Variants in CELF2 observed in about 807,000 individuals in gnomAD.
The protein encoded by CELF2 is CUGBP Elav-like family member 2, also known as CUG triplet repeat RNA-binding protein 2.
In CELF2, 8 loss-of-function variants were observed where a neutral mutation model predicts 62.6. That is an observed-to-expected ratio of 0.13 (90% confidence interval 0.07 to 0.23). The LOEUF (loss-of-function observed/expected upper bound fraction) is 0.23. CELF2 is among the 10% of genes least tolerant of loss of function. The pLI is 1.00. For missense variants in CELF2, 333 were observed against 671.0 expected (o/e 0.50, Z 5.56); for synonymous variants, 258 against 250.0 (o/e 1.03, Z -0.30).
At chr10:11,174,710 C>A (rs549360481) in intron 2 of CELF2, among the ~76,000 whole-genome samples, 1 of 152,188 alleles carries the variant, frequency 6.6e-6, no homozygotes, top group Non-Finnish European at 1.5e-5. Context: ...CAGCTTTACC[C>A]GCATGTGGGT....
At chr10:10,890,482 G>C (rs914987097) in intron 1 of CELF2, among the ~76,000 whole-genome samples, 1 of 152,180 alleles carries the variant, frequency 6.6e-6, no homozygotes, top group Admixed American at 6.5e-5. Context: ...TTATTGAAAT[G>C]ATTACTTGAT....
At chr10:10,658,863 A>G in the CELF2 span, among the ~76,000 whole-genome samples, 2 of 152,198 alleles carry the variant, frequency 1.3e-5, no homozygotes, top group East Asian at 3.8e-4. Flanking sequence ...TTGCCTGGAT[A>G]ACACAGAGAG....
chr10:11,025,239 G>GTGTGTGTGTGTGTATATATATATA (rs61580670), intron 1 of CELF2, among the ~76,000 whole-genome samples: 5 of 140,998 alleles, frequency 3.5e-5, no homozygotes, highest in South Asian at 2.3e-4. Flanking sequence ...GTGTGTGTGT[G>GTGTGTGTGTGTGTATATATATATA]TATATGTATG....
At chr10:11,245,556 A>G (rs2075343266) in intron 3 of CELF2, among the ~76,000 whole-genome samples, 1 of 152,242 alleles carries the variant, frequency 6.6e-6, no homozygotes, top group Admixed American at 6.5e-5. Flanking sequence ...AGCCCAGGAA[A>G]GAGCAAAACA....
intron 4 of CELF2, among the ~76,000 whole-genome samples, chr10:11,256,532 A>G (rs981458682): frequency 3.9e-5 from 6 of 152,038 alleles, no homozygotes; most frequent in Non-Finnish European, 5.9e-5. Flanking sequence ...GTCCTCCTCT[A>G]GCCCAGGACA....
intron 1 of CELF2, among the ~76,000 whole-genome samples, chr10:11,142,198 T>A (rs1455732131): frequency 1.3e-5 from 2 of 152,234 alleles, no homozygotes; most frequent in African/African-American, 4.8e-5. Context: ...GAATGATAAC[T>A]TGTTTCTTGA....
the CELF2 span, among the ~76,000 whole-genome samples, chr10:10,532,570 G>C: frequency 6.6e-6 from 1 of 152,298 alleles, no homozygotes; most frequent in Admixed American, 6.5e-5. Flanking sequence ...CTTACATTGA[G>C]AGCAGCAGAA....
At chr10:10,847,834 A>G (rs2059115646) in intron 1 of CELF2, among the ~76,000 whole-genome samples, 1 of 152,226 alleles carries the variant, frequency 6.6e-6, no homozygotes, top group Non-Finnish European at 1.5e-5. Context: ...ATGGACAGCC[A>G]GATTTTATAG....
chr10:10,565,269 A>G, the CELF2 span, among the ~76,000 whole-genome samples: 150 of 152,344 alleles, frequency 9.8e-4, no homozygotes, highest in African/African-American at 3.5e-3. Context: ...ATTTTTCCAG[A>G]AAATGTTAAG....
the CELF2 span, among the ~76,000 whole-genome samples, chr10:10,474,179 A>T: frequency 2.0e-4 from 30 of 152,178 alleles, no homozygotes; most frequent in Non-Finnish European, 3.1e-4. Context: ...GCAGTGGCTC[A>T]TGCTTGTAAT....
intron 1 of CELF2, among the ~76,000 whole-genome samples, chr10:10,904,297 G>A (rs2063164386): frequency 1.3e-5 from 2 of 151,478 alleles, no homozygotes; most frequent in Middle Eastern, 3.4e-3. Flanking sequence ...TGTGATCATA[G>A]CTCCCTGAAG....
chr10:10,505,577 C>T, the CELF2 span, among the ~76,000 whole-genome samples: 1 of 152,180 alleles, frequency 6.6e-6, no homozygotes, highest in Non-Finnish European at 1.5e-5. Flanking sequence ...TGGGGATTAA[C>T]GTTCTAGCTC....
chr10:10,623,943 T>A, the CELF2 span, among the ~76,000 whole-genome samples: 181 of 152,308 alleles, frequency 1.2e-3, 1 homozygote, highest in African/African-American at 4.1e-3. Context: ...ACTGCAGAGA[T>A]GATGTGCTCA....
chr10:10,977,441 T>C (rs949939098), intron 2 of CELF2, among the ~76,000 whole-genome samples: 2 of 152,198 alleles, frequency 1.3e-5, no homozygotes, highest in African/African-American at 4.8e-5. Context: ...ATGCAACCAC[T>C]GAGATCTTTC....
the CELF2 span, among the ~76,000 whole-genome samples, chr10:10,492,697 A>G: frequency 6.6e-6 from 1 of 152,212 alleles, no homozygotes; most frequent in African/African-American, 2.4e-5. Flanking sequence ...AAAAAGTGAC[A>G]TATAAATACA....
chr10:10,957,609 C>T lies in CELF2; in HGVS notation c.89+37610C>T, dbSNP rs1406342978. 6.6e-6 allele frequency among the ~76,000 whole-genome samples: 1 copy of T among 152,176 alleles called. No individual in the cohort carries two copies. Among genetic ancestry groups the T allele is most frequent in the Non-Finnish European group, 1.5e-5 (1 of 68,026 alleles). ...AGAGGTCAAAGTCAGTGGGCAACCT[C>T]TTACCTGAAGAACACGTTCAGGATC... On this transcript the variant is annotated intron_variant, in intron 2 of 13. Coordinates refer to the CELF2 transcript ENST00000636488. The surrounding 1 kb of genome is among the most constrained non-coding windows in gnomAD (Gnocchi z 4.1).
the CELF2 span, among the ~76,000 whole-genome samples, chr10:10,787,610 T>C: frequency 2.0e-5 from 3 of 152,238 alleles, no homozygotes; most frequent in African/African-American, 7.2e-5. Flanking sequence ...ATTGTTCATA[T>C]ACAGCAGTGA....
At chr10:11,049,652 C>T (rs549666820) in intron 1 of CELF2, among the ~76,000 whole-genome samples, 7 of 151,520 alleles carry the variant, frequency 4.6e-5, no homozygotes, top group South Asian at 2.1e-4. Flanking sequence ...CTCACGCTTC[C>T]GGCACATACT....
intron 1 of CELF2, among the ~76,000 whole-genome samples, chr10:10,864,012 G>C (rs2060204054): frequency 6.6e-6 from 1 of 152,156 alleles, no homozygotes; most frequent in Non-Finnish European, 1.5e-5. Flanking sequence ...AATTCATGAA[G>C]TGCTGCTTGT....
Sources: gnomAD v4.1 joint callset for allele counts (sites outside exome capture counted in the v4.1 genomes callset) on GRCh38, gnomAD v4.1.1 for gene constraint, Gnocchi (gnomAD v3.1) non-coding constraint, MANE v1.5 for transcripts, NCBI Gene and HGNC (gene_info 2026-07-23, HGNC 2026-07-21) for gene names.